STK3: variants seen among roughly 807,000 people sequenced by gnomAD.
STK3 encodes the protein serine/threonine kinase 3.
Under a neutral mutation model 58.0 loss-of-function variants are expected in STK3, and 41 were observed. The observed-to-expected ratio is 0.71, with a 90% CI of 0.55 to 0.92. The LOEUF is 0.92. Among genes scored for constraint, STK3 ranks in the 40% least tolerant of loss-of-function variants. The probability of loss-of-function intolerance (pLI) is 0.00; values close to 1 mark genes in which losing one functional copy is unlikely to be tolerated. For missense variants in STK3, 479 were observed against 602.7 expected, an observed-to-expected ratio of 0.79 and a Z score of 2.15; for synonymous variants, 170 against 191.0, an observed-to-expected ratio of 0.89 and a Z score of 0.91.
chr8:98,543,167 C>A (rs1189040015), intron 9 of STK3, among the ~76,000 whole-genome samples: 1 of 147,414 alleles, frequency 6.8e-6, no homozygotes, highest in Non-Finnish European at 1.5e-5. Flanking sequence ...AAGCATAAAT[C>A]CCACAGGAGG....
At chr8:98,543,671 C>T (rs959715111) in intron 9 of STK3, among the ~76,000 whole-genome samples, 1 of 152,026 alleles carries the variant, frequency 6.6e-6, no homozygotes, top group Admixed American at 6.6e-5. Flanking sequence ...TAGGGAGCAA[C>T]GTCATCTACT....
At chr8:98,499,999 T>C (rs1184949531) in intron 10 of STK3, among the ~76,000 whole-genome samples, 1 of 152,124 alleles carries the variant, frequency 6.6e-6, no homozygotes, top group Non-Finnish European at 1.5e-5. Context: ...CCCTGATGCC[T>C]GGAACCTGAA....
chr8:98,617,833 C>T (rs1005120696), intron 6 of STK3, among the ~76,000 whole-genome samples: 248 of 152,100 alleles, frequency 1.6e-3, no homozygotes, highest in Admixed American at 4.0e-3. Flanking sequence ...AGTTTACCAA[C>T]GAAAAAGAGT....
At chr8:98,633,710 G>C (rs969344412) in intron 6 of STK3, 4 of 675,680 alleles carry the variant, frequency 5.9e-6, no homozygotes, top group Non-Finnish European at 1.1e-5. Flanking sequence ...CTAAGTGACA[G>C]ACATCTGGAG....
chr8:98,787,521 T>C (rs1413198316), intron 1 of STK3, among the ~76,000 whole-genome samples: 2 of 152,114 alleles, frequency 1.3e-5, no homozygotes, highest in Non-Finnish European at 2.9e-5. Context: ...GGGGGAATAA[T>C]TGAGGAAAAC....
intron 3 of STK3, among the ~76,000 whole-genome samples, chr8:98,871,428 T>A (rs1216776358): frequency 6.6e-6 from 1 of 152,254 alleles, no homozygotes; most frequent in East Asian, 1.9e-4. Flanking sequence ...ATAAATTTCC[T>A]TGGGCAGTAT....
intron 10 of STK3, among the ~76,000 whole-genome samples, chr8:98,466,620 G>T (rs1481085163): frequency 6.6e-6 from 1 of 152,156 alleles, no homozygotes; most frequent in Non-Finnish European, 1.5e-5. Context: ...GAGACCGGAT[G>T]TTATTATGTA....
intron 1 of STK3, among the ~76,000 whole-genome samples, chr8:98,824,053 G>C (rs778177863): frequency 6.6e-5 from 10 of 152,170 alleles, no homozygotes; most frequent in Admixed American, 1.3e-4. Flanking sequence ...CCATAGGGTT[G>C]CTGTGAGGAT....
At position 98,904,833 on chromosome 8, in the gene STK3, G is replaced by T. The variant is rs568565213; in HGVS notation, c.-78-20999C>A. On this transcript the variant is annotated intron_variant, in intron 1 of 1. Transcript: ENST00000519420. ...TGAAGTGGCAGCAGCACAAGAACTTGGCAATAGGTATCTGTCTTAGGGATT... is the reference window on the plus strand; with the variant it reads ...TGAAGTGGCAGCAGCACAAGAACTTTGCAATAGGTATCTGTCTTAGGGATT... 34 of 663,654 alleles carry T rather than the reference G, an allele frequency of 5.1e-5. No homozygotes were observed. In the Admixed American group the frequency reaches 5.2e-4, roughly 10 times the overall value. 41.1% of individuals were successfully genotyped at this position (663,654 alleles called of 1,614,324 possible).
intron 10 of STK3, among the ~76,000 whole-genome samples, chr8:98,475,796 T>C (rs1003691676): frequency 2.0e-5 from 3 of 152,210 alleles, no homozygotes; most frequent in African/African-American, 7.2e-5. Flanking sequence ...ATGATAACCT[T>C]TCCATTCTTT....
At chr8:98,720,080 T>C (rs1827289521) in intron 4 of STK3, among the ~76,000 whole-genome samples, 1 of 152,240 alleles carries the variant, frequency 6.6e-6, no homozygotes, top group Non-Finnish European at 1.5e-5. Context: ...TTATAAGCAG[T>C]ATCTGTACTT....
chr8:98,587,879 T>C (rs1034317999), intron 7 of STK3, among the ~76,000 whole-genome samples: 2 of 152,104 alleles, frequency 1.3e-5, no homozygotes, highest in African/African-American at 4.8e-5. Flanking sequence ...TTTTGATCTT[T>C]GTTGGTTTAA....
chr8:98,599,542 AC>A (rs1353331630), intron 6 of STK3, among the ~76,000 whole-genome samples: 2 of 152,036 alleles, frequency 1.3e-5, no homozygotes, highest in Non-Finnish European at 2.9e-5. Flanking sequence ...GTATTAAAAA[AC>A]CCTGGCACTC....
At chr8:98,649,874 T>C (rs1205502758) in intron 6 of STK3, among the ~76,000 whole-genome samples, 1 of 152,224 alleles carries the variant, frequency 6.6e-6, no homozygotes, top group Non-Finnish European at 1.5e-5. Context: ...GCATGCTCTT[T>C]CCTTCATTTC....
At chr8:98,493,333 C>A (rs1290510769) in intron 10 of STK3, among the ~76,000 whole-genome samples, 2 of 151,794 alleles carry the variant, frequency 1.3e-5, no homozygotes, top group African/African-American at 4.8e-5. Flanking sequence ...ACTATTATAT[C>A]TCTTCTTTTC....
At chr8:98,429,443 A>G (rs772164326) in intron 3 of STK3, 4 of 1,488,444 alleles carry the variant, frequency 2.7e-6, no homozygotes, top group South Asian at 1.2e-5. Flanking sequence ...TCCACCCCAC[A>G]TTGCTGAGCT....
intron 8 of STK3, among the ~76,000 whole-genome samples, chr8:98,565,263 C>G (rs910624664): frequency 2.0e-5 from 3 of 152,096 alleles, no homozygotes; most frequent in Non-Finnish European, 4.4e-5. Flanking sequence ...AAAAATCAAG[C>G]ATTGTTTTTT....
At chr8:98,565,130 T>A (rs1215010894) in intron 8 of STK3, among the ~76,000 whole-genome samples, 1 of 152,176 alleles carries the variant, frequency 6.6e-6, no homozygotes, top group East Asian at 1.9e-4. Context: ...GGCCCAACAC[T>A]ACAACCCATA....
At chr8:98,875,759 T>C (rs1423671184) in intron 3 of STK3, 1 of 152,214 alleles carries the variant, frequency 6.6e-6, no homozygotes, top group African/African-American at 2.4e-5. Flanking sequence ...TTTTCACAAA[T>C]TGTCCTGCTA....
Sources: gnomAD v4.1 joint callset for allele counts (sites outside exome capture counted in the v4.1 genomes callset) on GRCh38, gnomAD v4.1.1 for gene constraint, MANE v1.5 for transcripts, NCBI Gene and HGNC (gene_info 2026-07-23, HGNC 2026-07-21) for gene names.